Variants in COL23A1 observed in about 807,000 individuals in gnomAD.
COL23A1 encodes the protein collagen type XXIII alpha 1 chain, also known as collagen alpha-1(XXIII) chain.
In COL23A1, 97 loss-of-function variants were observed where a neutral mutation model predicts 99.3. The observed-to-expected ratio is 0.98, with a 90% CI of 0.83 to 1.16. The LOEUF (loss-of-function observed/expected upper bound fraction) is 1.16. Among genes scored for constraint, COL23A1 ranks in the 50% most tolerant of loss-of-function variants. COL23A1 has a pLI of 0.00. For synonymous variants in COL23A1, 320 were observed against 308.2 expected (o/e 1.04, Z -0.40); for missense variants, 762 against 757.4 (o/e 1.01, Z -0.07).
At chr5:178,498,245 T>TATATATATATAA (rs1758324596) in intron 2 of COL23A1, among the ~76,000 whole-genome samples, 1 of 61,290 alleles carries the variant, frequency 1.6e-5, no homozygotes, top group African/African-American at 1.2e-4. Context: ...TATATATATA[T>TATATATATATAA]ATATATATAT....
intron 5 of COL23A1, among the ~76,000 whole-genome samples, chr5:178,284,630 G>C (rs897208779): frequency 6.6e-6 from 1 of 151,874 alleles, no homozygotes; most frequent in Non-Finnish European, 1.5e-5. Context: ...TGACTGTAAG[G>C]GTGAAAAATT....
At chr5:178,419,626 TTCC>T (rs1236007694) in intron 2 of COL23A1, among the ~76,000 whole-genome samples, 2 of 152,186 alleles carry the variant, frequency 1.3e-5, no homozygotes, top group Admixed American at 6.5e-5. Context: ...CGTGTGGGGT[TTCC>T]TCCTCTTCTC....
At chr5:178,352,095 G>GC (rs1425684890) in intron 2 of COL23A1, 1 of 152,184 alleles carries the variant, frequency 6.6e-6, no homozygotes, top group Non-Finnish European at 1.5e-5. Flanking sequence ...TAAGGCACAG[G>GC]CCCTAAGCTA....
Position 178,287,030 on chromosome 5 carries a change from T to C in COL23A1, c.441+1294A>G, listed in dbSNP as rs182650492. ...GAGCCGGTACTGGTACAGCGAATAA[T>C]GCCAAGATGCGGGGCTGAACTTTCC... On this transcript the variant is annotated intron_variant, in intron 5 of 28. Coordinates refer to ENST00000390654, the MANE Select transcript of COL23A1 (RefSeq NM_173465.4). 2.8e-3 allele frequency among the ~76,000 whole-genome samples: 426 copies of C among 152,324 alleles called. 3 individuals are homozygous for C. The highest frequency in any genetic ancestry group is 9.4e-3 in the African/African-American group (392 of 41,570).
At chr5:178,348,344 G>A (rs1761107599) in intron 2 of COL23A1, among the ~76,000 whole-genome samples, 1 of 152,124 alleles carries the variant, frequency 6.6e-6, no homozygotes, top group Non-Finnish European at 1.5e-5. Context: ...ATTGCTAATG[G>A]CTTTTTCTTA....
At chr5:178,430,157 G>A (rs907065995) in intron 2 of COL23A1, among the ~76,000 whole-genome samples, 11 of 152,158 alleles carry the variant, frequency 7.2e-5, no homozygotes, top group East Asian at 1.9e-4. Flanking sequence ...CTGTCACTTC[G>A]AGACCTTAAT....
chr5:178,585,387 C>G (rs1763884878), intron 1 of COL23A1, among the ~76,000 whole-genome samples: 1 of 151,692 alleles, frequency 6.6e-6, no homozygotes, highest in Non-Finnish European at 1.5e-5. Flanking sequence ...GGGTAACACT[C>G]CGCGGCCCTG....
chr5:178,486,482 G>A (rs1321493651), intron 2 of COL23A1, among the ~76,000 whole-genome samples: 2 of 152,164 alleles, frequency 1.3e-5, no homozygotes, highest in African/African-American at 4.8e-5. Context: ...ACAAGACACG[G>A]CCGTTAGCAA....
intron 2 of COL23A1, among the ~76,000 whole-genome samples, chr5:178,374,323 C>A (rs1762957313): frequency 6.6e-6 from 1 of 152,182 alleles, no homozygotes; most frequent in Non-Finnish European, 1.5e-5. Context: ...CAAACTCTTC[C>A]TCTCCCTTCC....
chr5:178,402,592 A>G (rs1764508275), intron 2 of COL23A1, among the ~76,000 whole-genome samples: 1 of 152,102 alleles, frequency 6.6e-6, no homozygotes, highest in Admixed American at 6.5e-5. Context: ...AAAAGATAAC[A>G]TTTAAGGCAA....
intron 2 of COL23A1, among the ~76,000 whole-genome samples, chr5:178,426,072 A>G (rs79546569): frequency 6.6e-6 from 1 of 152,212 alleles, no homozygotes; most frequent in African/African-American, 2.4e-5. Context: ...CGCTTCCTTC[A>G]GTGTCTTTGT....
At chr5:178,246,547 A>T in intron 22 of COL23A1, 94 bp from the exon 23 acceptor site, 1 of 1,268,986 alleles carries the variant, frequency 7.9e-7, no homozygotes, top group Non-Finnish European at 1.1e-6. Flanking sequence ...TGGGATGTGG[A>T]CAGAGGAACA....
At chr5:178,242,681 G>A (rs966241103) in intron 25 of COL23A1, among the ~76,000 whole-genome samples, 3 of 152,216 alleles carry the variant, frequency 2.0e-5, no homozygotes, top group South Asian at 2.1e-4. Context: ...TCACAGACGC[G>A]GCTGGCACTG....
At chr5:178,319,067 G>A (rs975040458) in intron 2 of COL23A1, among the ~76,000 whole-genome samples, 1 of 152,166 alleles carries the variant, frequency 6.6e-6, no homozygotes, top group Non-Finnish European at 1.5e-5. Context: ...GTACAGCCAT[G>A]GTGCAGGCTG....
intron 27 of COL23A1, among the ~76,000 whole-genome samples, chr5:178,239,793 G>A (rs559842859): frequency 3.7e-4 from 42 of 112,888 alleles, no homozygotes; most frequent in African/African-American, 1.8e-4. Context: ...GCCGAGAGCC[G>A]TGTGGCTTCC....
intron 2 of COL23A1, among the ~76,000 whole-genome samples, chr5:178,404,181 C>T (rs1425905672): frequency 6.6e-6 from 1 of 152,224 alleles, no homozygotes; most frequent in Non-Finnish European, 1.5e-5. Flanking sequence ...GCCTCCAGTT[C>T]CGGCGTTCTC....
chr5:178,451,811 A>T (rs1767506338), intron 2 of COL23A1, among the ~76,000 whole-genome samples: 1 of 152,148 alleles, frequency 6.6e-6, no homozygotes, highest in Non-Finnish European at 1.5e-5. Flanking sequence ...AAATAAATTT[A>T]AGACTTATAA....
intron 2 of COL23A1, among the ~76,000 whole-genome samples, chr5:178,341,519 CAA>C (rs1372659318): frequency 6.6e-6 from 1 of 152,206 alleles, no homozygotes; most frequent in East Asian, 1.9e-4. Flanking sequence ...GTTTTGTTTT[CAA>C]AATCTACAAG....
intron 2 of COL23A1, among the ~76,000 whole-genome samples, chr5:178,466,935 A>G (rs541265645): frequency 5.3e-5 from 8 of 152,358 alleles, no homozygotes; most frequent in African/African-American, 1.9e-4. Context: ...CTGCAGGGGA[A>G]GCCACAGCCT....
Sources: allele counts gnomAD v4.1 joint callset (sites outside exome capture counted in the v4.1 genomes callset), GRCh38; gene constraint gnomAD v4.1.1; transcripts MANE v1.5; gene names NCBI Gene and HGNC (gene_info 2026-07-23, HGNC 2026-07-21).